CRB2: variants seen among roughly 807,000 people sequenced by gnomAD.
The protein encoded by CRB2 is protein crumbs homolog 2.
In CRB2, 85 loss-of-function variants were observed where a neutral mutation model predicts 110.9. That is an observed-to-expected ratio of 0.77 (90% confidence interval 0.64 to 0.92). The LOEUF is 0.92. Ranked by LOEUF, CRB2 falls within the 40% of genes least tolerant of loss-of-function variation. CRB2 has a pLI of 0.00. For synonymous variants in CRB2, 907 were observed against 831.0 expected (o/e 1.09, Z -1.57); for missense variants, 1,843 against 1,851.3 (o/e 1.00, Z 0.08).
intron 2 of CRB2, among the ~76,000 whole-genome samples, chr9:123,363,812 G>T (rs1025946128): frequency 6.6e-6 from 1 of 152,238 alleles, no homozygotes; most frequent in African/African-American, 2.4e-5. Context: ...TCTCCAGAGT[G>T]TGGCCCGTCC....
rs770808093 is a variant in CRB2 at position 123,367,299 on chromosome 9, C to T, written c.882C>T (p.Gly294=). The T allele has an allele frequency of 5.9e-5, 94 of 1,604,220 alleles. No individual in the cohort carries two copies. The highest frequency in any genetic ancestry group is 1.6e-4 in the East Asian group (7 of 44,880). ...LYGGVQAAFP[G]AFSFRHAAGF... is the part of the protein sequence containing the mutation. ...GGGGTGTCCAGGCCGCCTTCCCTGG[C>T]GCCTTCAGCTTCCGCCATGCTGCGG... Residue 294 remains glycine (G), a synonymous_variant, in exon 5 of 13, where the codon GGC becomes GGT. Transcript: ENST00000373631.
At chr9:123,373,969 T>C in intron 10 of CRB2, 49 bp downstream of exon 10, 6 of 1,549,176 alleles carry the variant, frequency 3.9e-6, no homozygotes, top group Non-Finnish European at 5.2e-6. Flanking sequence ...CCTGGGGCTA[T>C]GGTGGGGCAG....
rs4838053 is a variant in CRB2 at position 123,375,397 on chromosome 9, G to A, written c.3633+54G>A. The A allele has an allele frequency of 0.17, 252,415 of 1,517,268 alleles. 23,875 individuals are homozygous for A. Among genetic ancestry groups the A allele is most frequent in the East Asian group, 0.41 (17,394 of 42,488 alleles). 94.0% of individuals were successfully genotyped at this position (1,517,268 alleles called of 1,614,324 possible). On this transcript the variant is annotated intron_variant, in intron 12 of 12. Transcript: ENST00000373631. ...GGACGTGGCCTGCTGGGCCCTTGGC[G>A]AGATGCTGCTGGGGAGAGAGCGCAG... is the stretch of plus-strand genomic sequence containing the variant.
intron 6 of CRB2, among the ~76,000 whole-genome samples, chr9:123,368,481 G>A (rs897633974): frequency 6.6e-6 from 1 of 152,240 alleles, no homozygotes; most frequent in African/African-American, 2.4e-5. Context: ...CACACAGCAC[G>A]TCTGGCCTCT....
In CRB2 at chr9:123,363,337, C is replaced by A. The variant is rs1297472037; in HGVS notation, c.418+149C>A. The A allele has an allele frequency of 1.2e-5, 10 of 819,804 alleles. No individual in the cohort carries two copies. In the South Asian group the frequency reaches 1.8e-4, roughly 15 times the overall value. The allele number at this position is 819,804 out of a possible 1,614,324, so 50.8% of individuals were successfully genotyped here. On this transcript the variant is annotated intron_variant, in intron 2 of 12. Transcript: ENST00000373631. Reference sequence around the variant, plus strand: ...TCTAGGGTATATCCACTTGGTCTGACTACAGAACTGATGCCTGGCAGCTCT... The same window carrying A: ...TCTAGGGTATATCCACTTGGTCTGAATACAGAACTGATGCCTGGCAGCTCT...
At position 123,373,371 on chromosome 9, in the gene CRB2, C is replaced by CGGGGCACCCCATACCGGG; in HGVS notation, c.2845_2846insACCCCATACCGGGGGGGC (p.Gly948_Pro949insHisProIleProGlyGly). The stretch of plus-strand genomic sequence containing the variant: ...CTGCCCGGCGCTGTGCTGCCCATAC[C>CGGGGCACCCCATACCGGG]GGGGCCGCGCGTGGCCGATGGTGCC... On this transcript the variant is annotated inframe_insertion, in exon 10 of 13. Transcript: ENST00000373631. 1 of 1,432,488 alleles carries CGGGGCACCCCATACCGGG rather than the reference C, an allele frequency of 7.0e-7. No individual in the cohort carries two copies. The highest frequency in any genetic ancestry group is 3.1e-5 in the East Asian group (1 of 32,304). The allele number at this position is 1,432,488 out of a possible 1,614,324, so 88.7% of individuals were successfully genotyped here.
intron 5 of CRB2, 88 bp from the exon 6 acceptor site, chr9:123,367,485 C>A: frequency 1.6e-6 from 2 of 1,242,072 alleles, no homozygotes; most frequent in African/African-American, 1.6e-5. Context: ...CTCTCTTGGA[C>A]TCAGTCTCTC....
intron 2 of CRB2, among the ~76,000 whole-genome samples, chr9:123,363,701 G>A (rs754260079): frequency 6.6e-6 from 1 of 152,160 alleles, no homozygotes; most frequent in African/African-American, 2.4e-5. Context: ...ACAAGGTCTC[G>A]TTCAAACTGT....
Position 123,377,101 on chromosome 9 carries a change from A to G in CRB2, c.*39A>G. 1 of 1,478,606 alleles carries G rather than the reference A, an allele frequency of 6.8e-7. No homozygotes were observed. The highest frequency in any genetic ancestry group is 9.0e-7 in the Non-Finnish European group (1 of 1,107,250). 91.6% of individuals were successfully genotyped at this position (1,478,606 alleles called of 1,614,324 possible). ...CTGGCACCAGCACCTGGAGGTCCTG[A>G]ATGGTTTCTACCTGGAGACCCAAGG... On this transcript the variant is annotated 3_prime_UTR_variant, in exon 13 of 13. Transcript: ENST00000373631.
intron 12 of CRB2, among the ~76,000 whole-genome samples, chr9:123,376,496 GCCTGCC>G (rs2042105166): frequency 6.6e-6 from 1 of 152,202 alleles, no homozygotes; most frequent in South Asian, 2.1e-4. Flanking sequence ...GGGCCGCTCA[GCCTGCC>G]CCTGCTCCTG....
rs1294428199 is a variant in CRB2 at position 123,378,335 on chromosome 9, G to GCCACATCTC, written c.*1274_*1275insCACATCTCC. On this transcript the variant is annotated 3_prime_UTR_variant, in exon 13 of 13. Coordinates refer to ENST00000373631, the MANE Select transcript of CRB2 (RefSeq NM_173689.7). ...TGCCTGAGGGCCTGGCCTCCTTCCAGCTTCATGGACCTGGAGATGTGCCCT... is the reference window on the plus strand; with the variant it reads ...TGCCTGAGGGCCTGGCCTCCTTCCAGCCACATCTCCTTCATGGACCTGGAGATGTGCCCT... The GCCACATCTC allele has an allele frequency of 3.3e-5, 5 of 152,358 alleles. No homozygotes were observed. The East Asian group carries it at 7.7e-4, about 23-fold the overall frequency. 9.4% of individuals were successfully genotyped at this position (152,358 alleles called of 1,614,324 possible).
downstream of CRB2, chr9:123,378,798 G>GTTTGTTT: frequency 1.4e-5 from 1 of 71,724 alleles, no homozygotes; most frequent in Admixed American, 2.0e-4. Context: ...TCGGGTGCCT[G>GTTTGTTT]TTTTTTGTTT....
chr9:123,371,039 GC>G, intron 7 of CRB2, 30 bp from the exon 8 acceptor site: 1 of 1,601,110 alleles, frequency 6.2e-7, no homozygotes, highest in Non-Finnish European at 8.5e-7. Context: ...CAGCCTGCAG[GC>G]CTCACACCTG....
rs1253689663 is a variant in CRB2 at position 123,371,053 on chromosome 9, A to G, written c.1928-17A>G. On this transcript the variant is annotated splice_polypyrimidine_tract_variant and intron_variant, in intron 7 of 12. Transcript: ENST00000373631. Reference sequence around the variant, plus strand: ...TCAGCCTGCAGGCCTCACACCTGGCACCTTCTCTCCCTGCAGAGATTCCTG... The same window carrying G: ...TCAGCCTGCAGGCCTCACACCTGGCGCCTTCTCTCCCTGCAGAGATTCCTG... 1 of 1,606,094 alleles carries G rather than the reference A, an allele frequency of 6.2e-7. No homozygotes were observed. Among genetic ancestry groups the G allele is most frequent in the East Asian group, 2.2e-5 (1 of 44,812 alleles).
In CRB2 at chr9:123,373,305, G is replaced by T. The variant is rs1378049798; in HGVS notation, c.2774G>T (p.Arg925Leu). 1.4e-6 allele frequency: 2 copies of T among 1,465,058 alleles called. No individual in the cohort carries two copies. Among genetic ancestry groups the T allele is most frequent in the Non-Finnish European group, 1.8e-6 (2 of 1,117,392 alleles). 90.8% of individuals were successfully genotyped at this position (1,465,058 alleles called of 1,614,324 possible). A position where few individuals can be genotyped will look rare whatever the true frequency, so the allele number is the denominator to read the frequency against. The change falls in exon 10 of 13, where the codon CGC becomes CTC. Residue 925 changes from arginine (R) to leucine (L), a missense_variant. Coordinates refer to ENST00000373631, the MANE Select transcript of CRB2 (RefSeq NM_173689.7). ...GALEGVWLAV[R>L]NGSLAGGVRG... Reference sequence around the variant, plus strand: ...CTGGAAGGCGTGTGGCTGGCGGTGCGCAATGGCTCGCTGGCGGGGGGCGTG... The same window carrying T: ...CTGGAAGGCGTGTGGCTGGCGGTGCTCAATGGCTCGCTGGCGGGGGGCGTG...
chr9:123,371,657 T>C, intron 8 of CRB2, 79 bp downstream of exon 8: 1 of 1,578,672 alleles, frequency 6.3e-7, no homozygotes, highest in Non-Finnish European at 8.6e-7. Context: ...CGGGGCTTAG[T>C]GTGTCCTTTT....
At chr9:123,360,165 G>A (rs2041851173) in intron 1 of CRB2, among the ~76,000 whole-genome samples, 1 of 152,158 alleles carries the variant, frequency 6.6e-6, no homozygotes, top group African/African-American at 2.4e-5. Flanking sequence ...CACCTTTTCT[G>A]GTCTGAATCA....
intron 12 of CRB2, among the ~76,000 whole-genome samples, chr9:123,375,993 G>A (rs1321269504): frequency 6.6e-6 from 1 of 152,122 alleles, no homozygotes; most frequent in Non-Finnish European, 1.5e-5. Context: ...GGCAGCCTGG[G>A]TCATAAACCA....
Position 123,373,425 on chromosome 9 carries a change from G to A in CRB2, c.2894G>A (p.Arg965His), listed in dbSNP as rs1349552112. The change falls in exon 10 of 13, where the codon CGC (arginine) becomes CAC (histidine). Residue 965 changes from arginine (R) to histidine (H), a missense_variant. By Grantham distance (29) the Arg-to-His change is conservative. Transcript: ENST00000373631. ...AWHRVRLAME[R>H]PAATTSRWLL... Reference sequence around the variant, plus strand: ...CACCGCGTGCGTCTGGCCATGGAGCGCCCGGCGGCCACCACCTCGCGCTGG... The same window carrying A: ...CACCGCGTGCGTCTGGCCATGGAGCACCCGGCGGCCACCACCTCGCGCTGG... 2.1e-6 allele frequency: 3 copies of A among 1,446,886 alleles called. No individual in the cohort carries two copies. Among genetic ancestry groups the A allele is most frequent in the Non-Finnish European group, 2.7e-6 (3 of 1,105,422 alleles). The allele number at this position is 1,446,886 out of a possible 1,614,324, so 89.6% of individuals were successfully genotyped here. A position where few individuals can be genotyped will look rare whatever the true frequency, so the allele number is the denominator to read the frequency against.
Sources: gnomAD v4.1 joint callset for allele counts (sites outside exome capture counted in the v4.1 genomes callset) on GRCh38, gnomAD v4.1.1 for gene constraint, MANE v1.5 for transcripts, NCBI Gene and HGNC (gene_info 2026-07-23, HGNC 2026-07-21) for gene names.